The following GK5 variants were observed in gnomAD, a reference collection of about 807,000 sequenced individuals.
The protein encoded by GK5 is glycerol kinase 5, also known as ATP:glycerol 3-phosphotransferase 5.
GK5 carries 39 observed loss-of-function variants against 77.3 expected under a neutral mutation model. That is an observed-to-expected ratio of 0.50 (90% CI 0.39 to 0.66). The LOEUF is 0.66. Among genes scored for constraint, GK5 ranks in the 30% least tolerant of loss-of-function variants. GK5 has a pLI of 0.00. For missense variants in GK5, 487 were observed against 633.8 expected (o/e 0.77, Z 2.49); for synonymous variants, 211 against 208.0 (o/e 1.01, Z -0.13).
At chr3:142,185,723 T>C (rs1419878058) in intron 9 of GK5, 1 of 1,524,060 alleles carries the variant, frequency 6.6e-7, no homozygotes, top group Non-Finnish European at 8.8e-7. Flanking sequence ...ACTTCCATGA[T>C]AGAATACTGG....
chr3:142,185,448 T>C (rs1346178984), intron 9 of GK5: 82 of 967,324 alleles, frequency 8.5e-5, no homozygotes, highest in Non-Finnish European at 9.9e-5. Flanking sequence ...GGCAAATATT[T>C]CATTATTCTA....
intron 11 of GK5, 143 bp from the exon 12 acceptor site, chr3:142,177,719 G>A (rs1240691625): frequency 1.6e-6 from 1 of 608,868 alleles, no homozygotes; most frequent in African/African-American, 1.9e-5. Context: ...CACTTAAAAG[G>A]GTCAGCACAA....
intron 4 of GK5, among the ~76,000 whole-genome samples, chr3:142,202,606 AC>A (rs1189986627): frequency 6.6e-6 from 1 of 152,234 alleles, no homozygotes; most frequent in Non-Finnish European, 1.5e-5. Flanking sequence ...TATCAAGTAG[AC>A]AAAAGTGCTT....
chr3:142,220,811 A>T (rs1000572250), intron 1 of GK5, among the ~76,000 whole-genome samples: 58 of 152,200 alleles, frequency 3.8e-4, no homozygotes, highest in Admixed American at 3.8e-3. Context: ...CTAGGGTGGA[A>T]CTCTGGAAAT....
chr3:142,168,532 A>C (rs2063498919), intron 15 of GK5, among the ~76,000 whole-genome samples: 1 of 152,192 alleles, frequency 6.6e-6, no homozygotes, highest in Non-Finnish European at 1.5e-5. Context: ...TTTTAAATGT[A>C]AAATATCTTA....
chr3:142,169,190 G>T (rs889856397), intron 15 of GK5, among the ~76,000 whole-genome samples: 8 of 152,216 alleles, frequency 5.3e-5, no homozygotes, highest in African/African-American at 1.9e-4. Flanking sequence ...GAATGGAGTG[G>T]TTTCTAATGC....
chr3:142,185,241 A>C (rs1413382601), intron 9 of GK5: 3 of 449,716 alleles, frequency 6.7e-6, no homozygotes, highest in African/African-American at 6.5e-5. Flanking sequence ...GCAAAATCCT[A>C]TGTCTACCAA....
chr3:142,172,529 C>T lies in GK5; in HGVS notation c.1144-73G>A, dbSNP rs996423280. The T allele has an allele frequency of 5.8e-6, 4 of 692,386 alleles. No homozygotes were observed. In the African/African-American group the frequency reaches 7.2e-5, roughly 12 times the overall value. 42.9% of individuals were successfully genotyped at this position (692,386 alleles called of 1,614,324 possible). On this transcript the variant is annotated intron_variant, in intron 12 of 15. Transcript: ENST00000392993. ...TCTACGGACTTGAGGAAATACTATA[C>T]AACAACAACATAGCCACGTTAGAAG...
At chr3:142,196,950 G>A (rs1046579164) in intron 5 of GK5, among the ~76,000 whole-genome samples, 9 of 152,172 alleles carry the variant, frequency 5.9e-5, no homozygotes, top group Non-Finnish European at 1.0e-4. Context: ...CACTTTGGGA[G>A]GCCGAGGCAG....
At chr3:142,197,756 G>A (rs2063955837) in intron 5 of GK5, among the ~76,000 whole-genome samples, 1 of 152,200 alleles carries the variant, frequency 6.6e-6, no homozygotes, top group African/African-American at 2.4e-5. Flanking sequence ...TGGGCATGGT[G>A]ATTCATGCTT....
chr3:142,218,586 T>TA (rs1577155004), intron 1 of GK5, among the ~76,000 whole-genome samples: 1 of 150,872 alleles, frequency 6.6e-6, no homozygotes, highest in African/African-American at 2.4e-5. Context: ...CTTTGCAACT[T>TA]ACAGAAATTA....
rs142593210 is a variant in GK5, at chr3:142,186,265, C to T, written c.684G>A (p.Met228Ile). Reference protein sequence around the residue: ...STTGLFDPYKMCWSGMITSLI... With the variant: ...STTGLFDPYKICWSGMITSLI... Reference sequence around the variant, plus strand: ...GAGAGGTAATCATCCCACTCCAACACATCTGAGCATAAAAACGTATCATCA... The same window carrying T: ...GAGAGGTAATCATCCCACTCCAACATATCTGAGCATAAAAACGTATCATCA... The change falls in exon 8 of 16, where the codon ATG becomes ATA. Residue 228 changes from methionine to isoleucine, a missense_variant and splice_region_variant. Around this residue, in one of 4 missense-constraint regions of GK5, gnomAD observed 323 missense variants for 437.4 expected, o/e 0.74. Coordinates refer to ENST00000392993, the MANE Select transcript of GK5 (RefSeq NM_001039547.3). 3 of 1,597,156 alleles carry T rather than the reference C, an allele frequency of 1.9e-6. No homozygotes were observed. The highest frequency in any genetic ancestry group is 2.6e-6 in the Non-Finnish European group (3 of 1,165,096).
At chr3:142,185,113 T>C (rs906818478) in intron 9 of GK5, 10 of 985,222 alleles carry the variant, frequency 1.0e-5, no homozygotes, top group African/African-American at 7.0e-5. Context: ...GTGAAAGGAC[T>C]CTTAAAAATC....
At chr3:142,194,457 C>T in intron 5 of GK5, among the ~76,000 whole-genome samples, 1 of 150,838 alleles carries the variant, frequency 6.6e-6, no homozygotes, top group East Asian at 2.0e-4. Context: ...GCCTGGGACG[C>T]AGAGGTTACA....
At chr3:142,171,050 G>A (rs183680026) in intron 14 of GK5, among the ~76,000 whole-genome samples, 14 of 152,094 alleles carry the variant, frequency 9.2e-5, no homozygotes, top group South Asian at 4.1e-4. Flanking sequence ...CCAACATGGC[G>A]AAACCCCATC....
chr3:142,218,298 T>C (rs1049076986), intron 1 of GK5, among the ~76,000 whole-genome samples: 1 of 147,844 alleles, frequency 6.8e-6, no homozygotes, highest in Non-Finnish European at 1.5e-5. Context: ...TTTGGGAGGC[T>C]GAGGCGGGCA....
At position 142,215,650 on chromosome 3, in the gene GK5, G is replaced by T; in HGVS notation, c.190C>A (p.Pro64Thr). The T allele has an allele frequency of 6.3e-7, 1 of 1,598,822 alleles. No individual in the cohort carries two copies. Among genetic ancestry groups the T allele is most frequent in the Non-Finnish European group, 8.6e-7 (1 of 1,168,324 alleles). The change falls in exon 2 of 16, where the codon CCT (proline) becomes ACT (threonine). Residue 64 changes from proline to threonine, a missense_variant. This residue lies in a region of GK5 where 97 missense variants were observed against 86.9 expected (regional missense o/e 1.12). Transcript: ENST00000392993. ...ACAAATTGAATCCAAAGAACATCAG[G>T]ATCAATTTCTACCCAGCCAATTTGA... ...YPQIGWVEID[P>T]DVLWIQFVAV...
At chr3:142,171,246 T>TA (rs145503517) in intron 14 of GK5, among the ~76,000 whole-genome samples, 173 bp downstream of exon 14, 27,095 of 149,056 alleles carry the variant, frequency 0.18, 3,873 homozygotes, top group African/African-American at 0.4. Flanking sequence ...AAATACAAAT[T>TA]AAAAAAAAAA....
intron 2 of GK5, among the ~76,000 whole-genome samples, chr3:142,214,195 A>G (rs2064239294): frequency 6.6e-6 from 1 of 152,204 alleles, no homozygotes; most frequent in Non-Finnish European, 1.5e-5. Context: ...AATACTATTC[A>G]AAGTATGTCA....
Sources: allele counts gnomAD v4.1 joint callset (sites outside exome capture counted in the v4.1 genomes callset), GRCh38; gene constraint gnomAD v4.1.1; regional missense constraint gnomAD v4.1.1; transcripts MANE v1.5; gene names NCBI Gene and HGNC (gene_info 2026-07-23, HGNC 2026-07-21).